GUCA1C: variants seen among roughly 807,000 people sequenced by gnomAD.
GUCA1C encodes the protein guanylyl cyclase-activating protein 3.
GUCA1C carries 15 observed loss-of-function variants against 16.2 expected under a neutral mutation model. That is an observed-to-expected ratio of 0.93 (90% CI 0.62 to 1.43). GUCA1C has a LOEUF of 1.43. Ranked by LOEUF, GUCA1C falls within the 40% of genes most tolerant of loss-of-function variation. GUCA1C has a pLI of 0.00. For missense variants in GUCA1C, 275 were observed against 244.8 expected (o/e 1.12, Z -0.82); for synonymous variants, 78 against 85.4 (o/e 0.91, Z 0.48).
chr3:108,910,464 C>T (rs942869573), intron 3 of GUCA1C, among the ~76,000 whole-genome samples: 31 of 150,540 alleles, frequency 2.1e-4, no homozygotes, highest in African/African-American at 7.6e-4. Flanking sequence ...CGCCACTGCA[C>T]TCCAGCCTGG....
At chr3:108,928,875 T>C (rs1946644178) in intron 1 of GUCA1C, among the ~76,000 whole-genome samples, 2 of 152,198 alleles carry the variant, frequency 1.3e-5, no homozygotes, top group Admixed American at 6.5e-5. Context: ...GTAGTTTCAG[T>C]CCCCCAAATT....
intron 1 of GUCA1C, among the ~76,000 whole-genome samples, chr3:108,923,131 A>C (rs1946585155): frequency 6.6e-6 from 1 of 152,080 alleles, no homozygotes; most frequent in Admixed American, 6.6e-5. Flanking sequence ...GTTGTCTGTA[A>C]ACTCTGCTGA....
At position 108,937,004 on chromosome 3, in the gene GUCA1C, C is replaced by T. The variant is rs925815064; in HGVS notation, c.205-16419G>A. ...TTGGAATCCTTAGCCCTCTGCCACC[C>T]GCCCGTAAGTTTAACTTTCAGCACC... On this transcript the variant is annotated intron_variant, in intron 1 of 3. Transcript: ENST00000261047. Among the ~76,000 whole-genome samples, 9 of 152,144 alleles carry T rather than the reference C, an allele frequency of 5.9e-5. 1 individual carries two copies. Among genetic ancestry groups the T allele is most frequent in the African/African-American group, 1.9e-4 (8 of 41,420 alleles).
chr3:108,937,078 C>T (rs535710401), intron 1 of GUCA1C, among the ~76,000 whole-genome samples: 1 of 152,260 alleles, frequency 6.6e-6, no homozygotes, highest in East Asian at 1.9e-4. Context: ...GGAAATGTTC[C>T]CAAATGCCCT....
At chr3:108,909,852 T>C (rs1032004417) in intron 3 of GUCA1C, among the ~76,000 whole-genome samples, 6 of 152,326 alleles carry the variant, frequency 3.9e-5, no homozygotes, top group Middle Eastern at 3.4e-3. Context: ...ACTCTACCTA[T>C]AGTAACATGT....
intron 1 of GUCA1C, among the ~76,000 whole-genome samples, chr3:108,921,537 C>A (rs564843652): frequency 6.6e-6 from 1 of 152,256 alleles, no homozygotes; most frequent in East Asian, 1.9e-4. Context: ...GTAGTTGAAC[C>A]ATTTTACATT....
At chr3:108,924,190 A>T (rs1946597502) in intron 1 of GUCA1C, among the ~76,000 whole-genome samples, 1 of 152,150 alleles carries the variant, frequency 6.6e-6, no homozygotes, top group Admixed American at 6.6e-5. Context: ...TACTAAGTTG[A>T]ACAGAAGTGG....
intron 3 of GUCA1C, among the ~76,000 whole-genome samples, chr3:108,910,485 G>A (rs1331154335): frequency 3.5e-5 from 5 of 142,452 alleles, no homozygotes; most frequent in African/African-American, 1.1e-4. Flanking sequence ...GTGACACAGC[G>A]AGACTGTCTG....
chr3:108,949,003 A>G (rs532395734), intron 1 of GUCA1C, among the ~76,000 whole-genome samples: 1 of 152,094 alleles, frequency 6.6e-6, no homozygotes, highest in South Asian at 2.1e-4. Flanking sequence ...GCCCACCACC[A>G]CGCCCGGCTA....
chr3:108,934,808 CTTTTTTTTTT>C (rs71629371), intron 1 of GUCA1C, among the ~76,000 whole-genome samples: 3 of 86,110 alleles, frequency 3.5e-5, no homozygotes, highest in South Asian at 5.0e-4. Flanking sequence ...TGTTCTTGAT[CTTTTTTTTTT>C]TTTTTTTTTT....
chr3:108,940,070 G>T (rs906771304), intron 1 of GUCA1C, among the ~76,000 whole-genome samples: 1 of 152,146 alleles, frequency 6.6e-6, no homozygotes, highest in Admixed American at 6.5e-5. Context: ...CCAAAATGTT[G>T]TGCTTGATAG....
chr3:108,908,085 G>A lies in GUCA1C; in HGVS notation c.567C>T (p.Asp189=), dbSNP rs985131659. Residue 189 remains aspartate (D), a synonymous_variant, in exon 4 of 4, where the codon GAC becomes GAT. Transcript: ENST00000261047. The part of the protein sequence containing the change: ...LRVICNGKQP[D]METDSSKSPD... ...GAGATTTGGAGGAGTCTGTCTCCAT[G>A]TCTGGCTGCTTCCCATTACAGATTA... 1.9e-6 allele frequency: 3 copies of A among 1,613,850 alleles called. No homozygotes were observed. The highest frequency in any genetic ancestry group is 1.7e-5 in the Admixed American group (1 of 60,014).
intron 1 of GUCA1C, among the ~76,000 whole-genome samples, chr3:108,939,733 G>A (rs1286718476): frequency 6.6e-6 from 1 of 151,956 alleles, no homozygotes; most frequent in East Asian, 1.9e-4. Context: ...TGTACCCATG[G>A]CACACATATA....
chr3:108,930,075 C>G (rs1946653313), intron 1 of GUCA1C, among the ~76,000 whole-genome samples: 1 of 152,178 alleles, frequency 6.6e-6, no homozygotes, highest in South Asian at 2.1e-4. Context: ...TGCTTCAAAC[C>G]TGGCATACGT....
chr3:108,925,380 C>G (rs979883028), intron 1 of GUCA1C, among the ~76,000 whole-genome samples: 1 of 152,082 alleles, frequency 6.6e-6, no homozygotes, highest in African/African-American at 2.4e-5. Context: ...CATTGTTGAC[C>G]CAACAATCAT....
chr3:108,920,400 A>G, intron 2 of GUCA1C, 36 bp downstream of exon 2: 1 of 1,548,456 alleles, frequency 6.5e-7, no homozygotes, highest in Non-Finnish European at 8.9e-7. Flanking sequence ...TTAACTATAT[A>G]GCGGCCTGAA....
chr3:108,955,062 C>G (rs2922136), upstream of GUCA1C, among the ~76,000 whole-genome samples: 52,543 of 151,902 alleles, frequency 0.35, 9,503 homozygotes, highest in Middle Eastern at 0.49. Context: ...TCACTCAATT[C>G]TTTCTTTTAT....
At chr3:108,916,264 C>T in intron 2 of GUCA1C, 50 bp from the exon 3 acceptor site, 1 of 1,571,974 alleles carries the variant, frequency 6.4e-7, no homozygotes, top group Non-Finnish European at 8.7e-7. Flanking sequence ...GAAGCAAATA[C>T]ATTTTGCAAC....
intron 1 of GUCA1C, among the ~76,000 whole-genome samples, chr3:108,940,381 C>G (rs1946773705): frequency 1.3e-5 from 2 of 152,170 alleles, no homozygotes. Flanking sequence ...GGCATGTTGC[C>G]TGCTCCAATT....
Sources: allele counts gnomAD v4.1 joint callset (sites outside exome capture counted in the v4.1 genomes callset), GRCh38; gene constraint gnomAD v4.1.1; transcripts MANE v1.5; gene names NCBI Gene and HGNC (gene_info 2026-07-23, HGNC 2026-07-21).